The following SGIP1 variants were observed in gnomAD, a reference collection of about 807,000 sequenced individuals.
The protein encoded by SGIP1 is SH3GL interacting endocytic adaptor 1.
Under a neutral mutation model 107.5 loss-of-function variants are expected in SGIP1, and 38 were observed. That is an observed-to-expected ratio of 0.35 (90% confidence interval 0.27 to 0.46). The LOEUF (loss-of-function observed/expected upper bound fraction) is 0.46. Ranked by LOEUF, SGIP1 falls within the 20% of genes least tolerant of loss-of-function variation. The pLI, the probability that SGIP1 is intolerant of heterozygous loss-of-function variation, is 1.00. For missense variants in SGIP1, 929 were observed against 1,019.5 expected (o/e 0.91, Z 1.21); for synonymous variants, 365 against 366.1 (o/e 1.00, Z 0.03).
At chr1:66,565,860 G>C (rs2059567134) in intron 1 of SGIP1, among the ~76,000 whole-genome samples, 1 of 151,946 alleles carries the variant, frequency 6.6e-6, no homozygotes, top group Admixed American at 6.6e-5. Flanking sequence ...AGGTTTTCAA[G>C]AAAAACATTA....
intron 2 of SGIP1, among the ~76,000 whole-genome samples, chr1:66,632,554 G>T (rs1288134175): frequency 1.3e-5 from 2 of 152,180 alleles, no homozygotes; most frequent in East Asian, 1.9e-4. Flanking sequence ...GCAGAGGTTC[G>T]CTGGAGCCCA....
intron 1 of SGIP1, among the ~76,000 whole-genome samples, chr1:66,593,312 G>A (rs1202197443): frequency 6.6e-6 from 1 of 152,042 alleles, no homozygotes. Flanking sequence ...AAATACCAAG[G>A]AGCACAATTG....
At chr1:66,706,920 T>C (rs1469992868) in intron 18 of SGIP1, among the ~76,000 whole-genome samples, 1 of 152,190 alleles carries the variant, frequency 6.6e-6, no homozygotes, top group Non-Finnish European at 1.5e-5. Context: ...ATTGTGATCA[T>C]GACATTAATT....
At chr1:66,721,410 T>C (rs1217952795) in intron 19 of SGIP1, among the ~76,000 whole-genome samples, 1 of 152,050 alleles carries the variant, frequency 6.6e-6, no homozygotes, top group Admixed American at 6.6e-5. Context: ...TCCTTCTATG[T>C]TTTTATTTTA....
chr1:66,533,439 A>T (rs886752896), upstream of SGIP1: 2 of 152,256 alleles, frequency 1.3e-5, no homozygotes, highest in African/African-American at 4.8e-5. Flanking sequence ...TTTTAATGAC[A>T]GTTCCCAGCC....
At chr1:66,676,103 C>A (rs987846866) in intron 12 of SGIP1, among the ~76,000 whole-genome samples, 22 of 152,100 alleles carry the variant, frequency 1.4e-4, no homozygotes, top group African/African-American at 5.3e-4. Flanking sequence ...TATATCTTTC[C>A]TCTGTTAATC....
chr1:66,659,012 G>A (rs1196976602), intron 7 of SGIP1, among the ~76,000 whole-genome samples: 1 of 152,158 alleles, frequency 6.6e-6, no homozygotes, highest in Admixed American at 6.5e-5. Context: ...AGAGTGCAGC[G>A]AAGTGCAGGC....
At chr1:66,739,253 A>G in intron 21 of SGIP1, 82 bp from the exon 22 acceptor site, 1 of 1,474,224 alleles carries the variant, frequency 6.8e-7, no homozygotes, top group Non-Finnish European at 9.2e-7. Context: ...TGTGAGCAGC[A>G]TAAACAACAT....
chr1:66,685,305 G>C (rs1408489376), intron 15 of SGIP1, among the ~76,000 whole-genome samples: 2 of 152,176 alleles, frequency 1.3e-5, no homozygotes, highest in Non-Finnish European at 2.9e-5. Context: ...AATCAGAAGA[G>C]GTACCTGCTA....
upstream of SGIP1, among the ~76,000 whole-genome samples, chr1:66,533,922 G>C (rs1484181536): frequency 1.3e-5 from 2 of 151,848 alleles, no homozygotes; most frequent in African/African-American, 4.8e-5. Context: ...GAGGGGCGGG[G>C]GAAGTGCGTC....
intron 1 of SGIP1, among the ~76,000 whole-genome samples, chr1:66,582,196 G>A (rs2061916905): frequency 6.6e-6 from 1 of 152,010 alleles, no homozygotes; most frequent in South Asian, 2.1e-4. Flanking sequence ...GATTTTAAAA[G>A]GGCTCATAAA....
At chr1:66,536,983 GT>G (rs1187486410) in intron 1 of SGIP1, among the ~76,000 whole-genome samples, 4 of 152,114 alleles carry the variant, frequency 2.6e-5, no homozygotes, top group Non-Finnish European at 5.9e-5. Context: ...AGTAAACTAC[GT>G]TTTGTTTGTG....
At chr1:66,607,568 G>A (rs2067106433) in intron 1 of SGIP1, among the ~76,000 whole-genome samples, 1 of 152,212 alleles carries the variant, frequency 6.6e-6, no homozygotes, top group African/African-American at 2.4e-5. Context: ...ACAATTCAGA[G>A]ATAGAAACAG....
At position 66,626,094 on chromosome 1, in the gene SGIP1, T is replaced by A. The variant is rs2072616774; in HGVS notation, c.74+184T>A. ...TAGATTTATGCTAAAAAGGTAAAAA[T>A]TTTTCATCATGTGTTCAGTTTTTAT... On this transcript the variant is annotated intron_variant, in intron 2 of 24. Transcript: ENST00000371037. 4 of 356,926 alleles carry A rather than the reference T, an allele frequency of 1.1e-5. No individual in the cohort carries two copies. The East Asian group carries it at 1.7e-4, about 15-fold the overall frequency. 22.1% of individuals were successfully genotyped at this position (356,926 alleles called of 1,614,324 possible).
At chr1:66,653,260 A>G (rs1186072691) in intron 7 of SGIP1, among the ~76,000 whole-genome samples, 1 of 152,164 alleles carries the variant, frequency 6.6e-6, no homozygotes. Context: ...GTGTGCAGAA[A>G]ATTAGTTTTG....
intron 7 of SGIP1, among the ~76,000 whole-genome samples, chr1:66,654,416 T>G (rs1194552245): frequency 6.6e-6 from 1 of 152,154 alleles, no homozygotes; most frequent in Non-Finnish European, 1.5e-5. Flanking sequence ...TTTTCAGTCA[T>G]TTAGTTGTCT....
chr1:66,741,390 T>A lies in SGIP1; in HGVS notation c.2418T>A (p.Val806=). 3 of 1,607,204 alleles carry A rather than the reference T, an allele frequency of 1.9e-6. No homozygotes were observed. Among genetic ancestry groups the A allele is most frequent in the Non-Finnish European group, 2.6e-6 (3 of 1,176,302 alleles). ...TTTCTGGCTGTGACATTGAACTTGT[T>A]GGAGCAGGGTATCGATTTTCACTCA... ...STLSGCDIEL[V]GAGYRFSLIK... is the part of the protein sequence containing the mutation. The change falls in exon 24 of 25, where the codon GTT becomes GTA. Residue 806 remains valine (V), a synonymous_variant. Coordinates refer to ENST00000371037, the MANE Select transcript of SGIP1 (RefSeq NM_032291.4).
At chr1:66,585,533 G>A (rs1454521980) in intron 1 of SGIP1, among the ~76,000 whole-genome samples, 1 of 151,520 alleles carries the variant, frequency 6.6e-6, no homozygotes, top group Non-Finnish European at 1.5e-5. Flanking sequence ...ACTATGGGCA[G>A]TGCTATTTTG....
intron 1 of SGIP1, among the ~76,000 whole-genome samples, chr1:66,535,105 G>A (rs1233383156): frequency 6.6e-6 from 1 of 152,164 alleles, no homozygotes; most frequent in Non-Finnish European, 1.5e-5. Flanking sequence ...TTGAGTGTAA[G>A]GAGGAACTTT....
Sources: allele counts gnomAD v4.1 joint callset (sites outside exome capture counted in the v4.1 genomes callset), GRCh38; gene constraint gnomAD v4.1.1; transcripts MANE v1.5; gene names NCBI Gene and HGNC (gene_info 2026-07-23, HGNC 2026-07-21).